Variants in PCDH15 observed in about 807,000 individuals in gnomAD.
PCDH15 encodes the protein protocadherin related 15.
In PCDH15, 129 loss-of-function variants were observed where a neutral mutation model predicts 178.5. The ratio of observed to expected loss-of-function variants is 0.72; its 90% CI spans 0.63 to 0.84. The LOEUF (loss-of-function observed/expected upper bound fraction) is 0.84, where lower values mean the gene tolerates loss of function less well. Ranked by LOEUF, PCDH15 falls within the 40% of genes least tolerant of loss-of-function variation. PCDH15 has a pLI of 0.00. For missense variants in PCDH15, 2,230 were observed against 2,099.9 expected, an observed-to-expected ratio of 1.06 and a Z score of -1.21; for synonymous variants, 800 against 732.0, an observed-to-expected ratio of 1.09 and a Z score of -1.50.
chr10:55,340,401 G>A (rs1216005872), intron 2 of PCDH15, among the ~76,000 whole-genome samples: 3 of 151,670 alleles, frequency 2.0e-5, no homozygotes, highest in Middle Eastern at 3.2e-3. Flanking sequence ...AAATTATCCT[G>A]GTATAAATGA....
chr10:54,316,966 T>C (rs2061315201), intron 8 of PCDH15, among the ~76,000 whole-genome samples: 1 of 152,184 alleles, frequency 6.6e-6, no homozygotes, highest in African/African-American at 2.4e-5. Flanking sequence ...AATGCTGCAC[T>C]GATTATTTGG....
At chr10:53,990,542 A>G (rs894901031) in intron 21 of PCDH15, among the ~76,000 whole-genome samples, 62 of 148,724 alleles carry the variant, frequency 4.2e-4, no homozygotes, top group African/African-American at 1.5e-3. Flanking sequence ...TATGTTTTAT[A>G]TATGTTATAT....
rs79010542 is a variant in PCDH15, at chr10:53,948,397, T to G, written c.3123-7422A>C. Among the ~76,000 whole-genome samples, 403 of 152,316 alleles carry G rather than the reference T, an allele frequency of 2.6e-3. 1 individual carries two copies. Among genetic ancestry groups the G allele is most frequent in the African/African-American group, 9.3e-3 (386 of 41,570 alleles). The stretch of plus-strand genomic sequence containing the variant: ...TATACATTATTTGACATTAATATAG[T>G]AATTTCTGCTTTCCCTTGTTTGTAA... On this transcript the variant is annotated intron_variant, in intron 23 of 37. Transcript: ENST00000644397.
chr10:54,514,006 C>T (rs896622131), intron 3 of PCDH15, among the ~76,000 whole-genome samples: 24 of 152,146 alleles, frequency 1.6e-4, no homozygotes, highest in Admixed American at 1.4e-3. Context: ...AGCATGGCTT[C>T]GTATTCACAG....
intron 2 of PCDH15, among the ~76,000 whole-genome samples, chr10:55,484,855 C>T (rs1208922205): frequency 2.0e-5 from 3 of 151,640 alleles, no homozygotes; most frequent in Non-Finnish European, 4.4e-5. Flanking sequence ...AAACTAGACC[C>T]CTGTCTCTTA....
chr10:55,541,961 A>C (rs1261979187), intron 2 of PCDH15, among the ~76,000 whole-genome samples: 3 of 151,798 alleles, frequency 2.0e-5, no homozygotes, highest in Non-Finnish European at 4.4e-5. Context: ...CAATTATGCT[A>C]CAATAAATGA....
intron 1 of PCDH15, among the ~76,000 whole-genome samples, chr10:55,207,382 T>G (rs1283319804): frequency 6.6e-6 from 1 of 152,092 alleles, no homozygotes; most frequent in Non-Finnish European, 1.5e-5. Flanking sequence ...GAAGCGTATT[T>G]GCCTAAATTA....
At chr10:53,836,899 G>A (rs916577793) in intron 29 of PCDH15, among the ~76,000 whole-genome samples, 3 of 152,148 alleles carry the variant, frequency 2.0e-5, no homozygotes, top group East Asian at 1.9e-4. Context: ...TGCCTGAAGC[G>A]ATGGAGAAAT....
At chr10:53,939,605 A>C (rs1402237427) in intron 24 of PCDH15, among the ~76,000 whole-genome samples, 1 of 152,004 alleles carries the variant, frequency 6.6e-6, no homozygotes, top group African/African-American at 2.4e-5. Context: ...ATAATACTAT[A>C]TATTTCTTTG....
At chr10:54,407,107 A>C (rs2135560410) in intron 3 of PCDH15, among the ~76,000 whole-genome samples, 1 of 152,286 alleles carries the variant, frequency 6.6e-6, no homozygotes, top group East Asian at 1.9e-4. Context: ...AATAAGTAAT[A>C]ATTACATGAA....
At chr10:54,128,026 T>C (rs554762512) in intron 15 of PCDH15, among the ~76,000 whole-genome samples, 1 of 152,292 alleles carries the variant, frequency 6.6e-6, no homozygotes, top group East Asian at 1.9e-4. Flanking sequence ...CTTTTTTCCT[T>C]TTATTTTCCC....
chr10:53,896,381 C>T (rs796183220), intron 26 of PCDH15, among the ~76,000 whole-genome samples: 32 of 152,194 alleles, frequency 2.1e-4, no homozygotes, highest in African/African-American at 7.5e-4. Context: ...TACATAGTTG[C>T]TTTTTTACAG....
At chr10:55,158,078 G>GTGTGTGTA (rs1335196401) in intron 2 of PCDH15, among the ~76,000 whole-genome samples, 22 of 117,144 alleles carry the variant, frequency 1.9e-4, no homozygotes, top group Admixed American at 1.7e-3. Flanking sequence ...GTATGTGTGT[G>GTGTGTGTA]TATATATATA....
chr10:55,286,640 T>A lies in PCDH15; in HGVS notation c.-156+32959A>T, dbSNP rs577338619. Among the ~76,000 whole-genome samples the A allele has an allele frequency of 2.0e-5, 3 of 152,030 alleles. No homozygotes were observed. In the South Asian group the frequency reaches 6.2e-4, roughly 32 times the overall value. ...ACATCAAACCTGCAATTTACACAGA[T>A]GTATTTTAAAACTTGGCCAAGTCTG... On this transcript the variant is annotated intron_variant, in intron 1 of 5. Transcript: ENST00000458638.
intron 35 of PCDH15, among the ~76,000 whole-genome samples, chr10:53,814,623 T>C (rs1014291912): frequency 6.6e-6 from 1 of 152,022 alleles, no homozygotes; most frequent in Non-Finnish European, 1.5e-5. Flanking sequence ...TCTTGGATGC[T>C]TCCACCACCC....
chr10:55,257,274 A>T (rs558381046), intron 1 of PCDH15, among the ~76,000 whole-genome samples: 1 of 152,154 alleles, frequency 6.6e-6, no homozygotes, highest in African/African-American at 2.4e-5. Flanking sequence ...AAAGATGGGG[A>T]AAAAACAGCA....
intron 2 of PCDH15, among the ~76,000 whole-genome samples, chr10:54,647,721 A>G (rs2094161050): frequency 6.6e-6 from 1 of 152,100 alleles, no homozygotes; most frequent in African/African-American, 2.4e-5. Context: ...AATAGATTAA[A>G]TAAGATAGTA....
intron 30 of PCDH15, among the ~76,000 whole-genome samples, chr10:53,828,819 T>C (rs892886148): frequency 7.2e-5 from 11 of 152,076 alleles, no homozygotes; most frequent in Admixed American, 6.6e-5. Flanking sequence ...ATGAACTACA[T>C]AGAATAAGAA....
chr10:55,602,353 C>G (rs1477240934), intron 2 of PCDH15, among the ~76,000 whole-genome samples: 1 of 70,372 alleles, frequency 1.4e-5, no homozygotes, highest in Non-Finnish European at 3.6e-5. Flanking sequence ...GTAAAAAAAG[C>G]GGCTGGGAAG....
Sources: allele counts gnomAD v4.1 joint callset (sites outside exome capture counted in the v4.1 genomes callset), GRCh38; gene constraint gnomAD v4.1.1; transcripts MANE v1.5; gene names NCBI Gene and HGNC (gene_info 2026-07-23, HGNC 2026-07-21).